The following POU2F1 variants were observed in gnomAD, a reference collection of about 807,000 sequenced individuals.
POU2F1 encodes the protein POU class 2 homeobox 1.
POU2F1 carries 16 observed loss-of-function variants against 84.9 expected under a neutral mutation model. That is an observed-to-expected ratio of 0.19 (90% confidence interval 0.13 to 0.29). The LOEUF (loss-of-function observed/expected upper bound fraction) is 0.29, where lower values mean the gene tolerates loss of function less well. POU2F1 is among the 10% of genes least tolerant of loss of function. The pLI is 1.00. For missense variants in POU2F1, 738 were observed against 942.6 expected, an observed-to-expected ratio of 0.78 and a Z score of 2.84; for synonymous variants, 368 against 368.3, an observed-to-expected ratio of 1.00 and a Z score of 0.01.
chr1:167,404,312 T>C (rs1182761823), intron 13 of POU2F1, among the ~76,000 whole-genome samples: 1 of 152,184 alleles, frequency 6.6e-6, no homozygotes, highest in Non-Finnish European at 1.5e-5. Flanking sequence ...ACATTACTTA[T>C]TATCAGTAGC....
chr1:167,272,534 G>A (rs1437234493), intron 1 of POU2F1, among the ~76,000 whole-genome samples: 1 of 152,092 alleles, frequency 6.6e-6, no homozygotes, highest in East Asian at 1.9e-4. Context: ...GGTGGGGGAA[G>A]GCCTCAAGAA....
intron 1 of POU2F1, among the ~76,000 whole-genome samples, chr1:167,279,904 G>C (rs1652996635): frequency 6.6e-6 from 1 of 152,052 alleles, no homozygotes; most frequent in African/African-American, 2.4e-5. Flanking sequence ...AAAATGATTT[G>C]TATTTAAAAC....
In POU2F1 at chr1:167,415,998, G is replaced by T; in HGVS notation, c.*188G>T. ...ACACATACCAGAAAAAGAAAGAAAG[G>T]ATGGAGACGGAACATTTGCCTAATT... On this transcript the variant is annotated 3_prime_UTR_variant, in exon 16 of 16. Coordinates refer to ENST00000367866, the MANE Select transcript of POU2F1 (RefSeq NM_002697.4). The T allele has an allele frequency of 1.5e-6, 1 of 686,730 alleles. No homozygotes were observed. Among genetic ancestry groups the T allele is most frequent in the Admixed American group, 3.0e-5 (1 of 32,868 alleles). 42.5% of individuals were successfully genotyped at this position (686,730 alleles called of 1,614,324 possible). A position where few individuals can be genotyped will look rare whatever the true frequency, so the allele number is the denominator to read the frequency against.
chr1:167,260,453 A>T (rs1162349588), intron 1 of POU2F1, among the ~76,000 whole-genome samples: 1 of 152,042 alleles, frequency 6.6e-6, no homozygotes, highest in East Asian at 1.9e-4. Flanking sequence ...TCTCTTCCAG[A>T]TCTTCAGATT....
At chr1:167,305,706 A>G (rs1655019256) in intron 1 of POU2F1, among the ~76,000 whole-genome samples, 1 of 152,234 alleles carries the variant, frequency 6.6e-6, no homozygotes, top group South Asian at 2.1e-4. Context: ...GAGAAGCATT[A>G]ACAGATAGTA....
rs972428641 is a variant in POU2F1 at position 167,255,344 on chromosome 1, G to T, written c.61+34386G>T. 7.9e-5 allele frequency among the ~76,000 whole-genome samples: 12 copies of T among 152,256 alleles called. No homozygotes were observed. In the South Asian group the frequency reaches 1.9e-3, roughly 24 times the overall value. On this transcript the variant is annotated intron_variant, in intron 1 of 15. Coordinates refer to ENST00000367866, the MANE Select transcript of POU2F1 (RefSeq NM_002697.4). ...GTGTTTTAGAGTAGGTGGAACCCAT[G>T]AATCTATAGATTAGCCTAAGTAAAT... is the stretch of plus-strand genomic sequence containing the variant.
intron 13 of POU2F1, among the ~76,000 whole-genome samples, chr1:167,410,105 T>C (rs531550062): frequency 6.6e-6 from 1 of 152,372 alleles, no homozygotes; most frequent in East Asian, 1.9e-4. Context: ...GGATTCATAG[T>C]ATCTACAAAG....
At chr1:167,236,750 A>G (rs2102356703) in intron 1 of POU2F1, among the ~76,000 whole-genome samples, 1 of 152,280 alleles carries the variant, frequency 6.6e-6, no homozygotes, top group East Asian at 1.9e-4. Context: ...CTGGGCAGGG[A>G]TGGGTCAGCT....
chr1:167,265,598 A>C (rs1254842742), intron 1 of POU2F1, among the ~76,000 whole-genome samples: 1 of 152,198 alleles, frequency 6.6e-6, no homozygotes, highest in Non-Finnish European at 1.5e-5. Context: ...CTTATGAGAC[A>C]GTGCATGCAG....
chr1:167,316,484 C>T (rs771759571), intron 1 of POU2F1, among the ~76,000 whole-genome samples: 12 of 152,090 alleles, frequency 7.9e-5, no homozygotes, highest in Non-Finnish European at 1.5e-4. Context: ...AGACTTTTCA[C>T]GAAACAATAC....
intron 1 of POU2F1, among the ~76,000 whole-genome samples, chr1:167,278,282 T>C (rs564039896): frequency 2.9e-4 from 44 of 152,354 alleles, no homozygotes; most frequent in African/African-American, 9.6e-4. Context: ...ATTATTGATA[T>C]ATGGTCTTGT....
At position 167,426,274 on chromosome 1, in the gene POU2F1, G is replaced by T. The variant is rs1013412293; in HGVS notation, c.*10464G>T. On this transcript the variant is annotated 3_prime_UTR_variant, in exon 16 of 16. Transcript: ENST00000367866. ...GTCGTTTAACTTCTTGTTTGTTTCA[G>T]TGTAATGCTCTTAAAGTCATAGCAT... The T allele has an allele frequency of 6.6e-6, 1 of 152,140 alleles. No individual in the cohort carries two copies. The highest frequency in any genetic ancestry group is 2.4e-5 in the African/African-American group (1 of 41,434). 9.4% of individuals were successfully genotyped at this position (152,140 alleles called of 1,614,324 possible). A position where few individuals can be genotyped will look rare whatever the true frequency, so the allele number is the denominator to read the frequency against.
chr1:167,287,343 G>A (rs1653602022), intron 1 of POU2F1, among the ~76,000 whole-genome samples: 1 of 152,182 alleles, frequency 6.6e-6, no homozygotes, highest in Non-Finnish European at 1.5e-5. Flanking sequence ...TGGAGCAGAG[G>A]CAAATATATG....
intron 2 of POU2F1, among the ~76,000 whole-genome samples, chr1:167,362,821 G>A (rs1415410695): frequency 6.6e-6 from 1 of 152,106 alleles, no homozygotes; most frequent in Non-Finnish European, 1.5e-5. Context: ...TAGGATGAAG[G>A]CAGAATATTG....
rs1571488855 is a variant in POU2F1 at position 167,421,912 on chromosome 1, T to A, written c.*6102T>A. 1 of 147,040 alleles carries A rather than the reference T, an allele frequency of 6.8e-6. No homozygotes were observed. Among genetic ancestry groups the A allele is most frequent in the African/African-American group, 2.5e-5 (1 of 40,352 alleles). 9.1% of individuals were successfully genotyped at this position (147,040 alleles called of 1,614,324 possible). A position where few individuals can be genotyped will look rare whatever the true frequency, so the allele number is the denominator to read the frequency against. The stretch of plus-strand genomic sequence containing the variant: ...TTACAATTTATAGGGTTAGGGAGGG[T>A]TGGGTGGGGGAAGAGGAGATGTTGA... On this transcript the variant is annotated 3_prime_UTR_variant, in exon 16 of 16. Coordinates refer to ENST00000367866, the MANE Select transcript of POU2F1 (RefSeq NM_002697.4).
chr1:167,245,438 A>T (rs1571155671), intron 1 of POU2F1, among the ~76,000 whole-genome samples: 2 of 107,740 alleles, frequency 1.9e-5, no homozygotes, highest in African/African-American at 3.6e-5. Flanking sequence ...TTTGAGATGG[A>T]GTTTTGCTCT....
chr1:167,409,795 TATAAAA>T (rs1649828865), intron 13 of POU2F1, among the ~76,000 whole-genome samples: 1 of 152,226 alleles, frequency 6.6e-6, no homozygotes, highest in African/African-American at 2.4e-5. Flanking sequence ...TATTAGGACT[TATAAAA>T]ATAGGCAATT....
At chr1:167,238,060 G>C (rs568412350) in intron 1 of POU2F1, among the ~76,000 whole-genome samples, 3 of 152,050 alleles carry the variant, frequency 2.0e-5, no homozygotes, top group African/African-American at 7.2e-5. Context: ...GGGATTACAG[G>C]TGTGAGCCAC....
chr1:167,295,097 C>T (rs775725181), intron 1 of POU2F1, among the ~76,000 whole-genome samples: 2 of 150,652 alleles, frequency 1.3e-5, no homozygotes, highest in South Asian at 2.1e-4. Context: ...ACTCCAGCCT[C>T]GGTGATAGAG....
Sources: gnomAD v4.1 joint callset for allele counts (sites outside exome capture counted in the v4.1 genomes callset) on GRCh38, gnomAD v4.1.1 for gene constraint, MANE v1.5 for transcripts, NCBI Gene and HGNC (gene_info 2026-07-23, HGNC 2026-07-21) for gene names.